The following LRRC4C variants were observed in gnomAD, a reference collection of about 807,000 sequenced individuals.
The protein encoded by LRRC4C is leucine-rich repeat-containing protein 4C.
LRRC4C carries 5 observed loss-of-function variants against 33.6 expected under a neutral mutation model. The ratio of observed to expected loss-of-function variants is 0.15; its 90% CI spans 0.08 to 0.31. The LOEUF is 0.31. LRRC4C is among the 10% of genes least tolerant of loss of function. LRRC4C has a pLI of 1.00. For missense variants in LRRC4C, 560 were observed against 796.7 expected (o/e 0.70, Z 3.58); for synonymous variants, 329 against 302.0 (o/e 1.09, Z -0.93).
rs1051478368 is a variant in LRRC4C at position 40,976,357 on chromosome 11, G to A, written c.-495-42634C>T. On this transcript the variant is annotated intron_variant, in intron 1 of 6. Transcript: ENST00000528697. ...CTCAGAAAATATCTCCTGGGTTCTT[G>A]TGTATTCATAAGCAAGGGTTCTGAA... 3.9e-5 allele frequency among the ~76,000 whole-genome samples: 6 copies of A among 152,104 alleles called. No individual in the cohort carries two copies. In the East Asian group the frequency reaches 1.2e-3, roughly 29 times the overall value.
intron 1 of LRRC4C, among the ~76,000 whole-genome samples, chr11:41,273,956 G>GTT (rs1270971862): frequency 6.6e-6 from 1 of 152,136 alleles, no homozygotes; most frequent in Non-Finnish European, 1.5e-5. Flanking sequence ...ACGGAGTGAT[G>GTT]TTAAGGTGAC....
intron 6 of LRRC4C, among the ~76,000 whole-genome samples, chr11:40,121,628 G>C (rs144632019): frequency 3.8e-3 from 576 of 152,276 alleles, no homozygotes; most frequent in Non-Finnish European, 6.1e-3. Flanking sequence ...TGTCCCAGAG[G>C]ATATCTTGAC....
chr11:41,188,512 T>C (rs908936691), intron 1 of LRRC4C, among the ~76,000 whole-genome samples: 5 of 151,926 alleles, frequency 3.3e-5, no homozygotes, highest in African/African-American at 9.7e-5. Context: ...GCAGAAGTAA[T>C]AGATCTATGT....
chr11:40,634,199 A>G (rs1171816818), intron 3 of LRRC4C, among the ~76,000 whole-genome samples: 4 of 152,346 alleles, frequency 2.6e-5, no homozygotes, highest in East Asian at 3.9e-4. Context: ...AGTATAAACT[A>G]AGTGGTTCTT....
chr11:40,343,199 C>G (rs1015787453), intron 3 of LRRC4C, among the ~76,000 whole-genome samples: 2 of 151,998 alleles, frequency 1.3e-5, no homozygotes, highest in Non-Finnish European at 2.9e-5. Context: ...GACATGTTTG[C>G]TAAGAATGCA....
In LRRC4C at chr11:40,535,394, C is replaced by T. The variant is rs781016644; in HGVS notation, c.-270+112748G>A. Among the ~76,000 whole-genome samples, 28 of 152,204 alleles carry T rather than the reference C, an allele frequency of 1.8e-4. 1 individual carries two copies. The highest frequency in any genetic ancestry group is 1.3e-4 in the Admixed American group (2 of 15,280). On this transcript the variant is annotated intron_variant, in intron 3 of 6. Coordinates refer to ENST00000528697, the MANE Select transcript of LRRC4C (RefSeq NM_001258419.2). ...CAGCTCTAGTGACTACCTTGATTCA[C>T]TGGTTGAAATCACCCTTTAGGGTGT... is the stretch of plus-strand genomic sequence containing the variant.
rs150559971 is a variant in LRRC4C, at chr11:41,152,176, G to A, written c.-495-218453C>T. Among the ~76,000 whole-genome samples, 70 of 152,248 alleles carry A rather than the reference G, an allele frequency of 4.6e-4. 1 individual carries two copies. The highest frequency in any genetic ancestry group is 8.5e-4 in the Non-Finnish European group (58 of 68,030). On this transcript the variant is annotated intron_variant, in intron 1 of 6. Coordinates refer to ENST00000528697, the MANE Select transcript of LRRC4C (RefSeq NM_001258419.2). ...GCTGATGTTACTAGCTCCCAGGGAC[G>A]GCACCAGCCTTTATGGATTCCTTGT...
Position 41,112,288 on chromosome 11 carries a change from A to C in LRRC4C, c.-495-178565T>G, listed in dbSNP as rs1000760581. The stretch of plus-strand genomic sequence containing the variant: ...AGTAAAACCTTTCTGGCCAGTTTCT[A>C]ATCTCAGCATCTCCTGGAGAGCAGA... On this transcript the variant is annotated intron_variant, in intron 1 of 6. Coordinates refer to ENST00000528697, the MANE Select transcript of LRRC4C (RefSeq NM_001258419.2). Among the ~76,000 whole-genome samples the C allele has an allele frequency of 3.9e-5, 6 of 152,038 alleles. 1 individual carries two copies. Among genetic ancestry groups the C allele is most frequent in the Admixed American group, 3.9e-4 (6 of 15,240 alleles).
rs1325786512 is a variant in LRRC4C, at chr11:40,702,159, T to A, written c.-406-53881A>T. On this transcript the variant is annotated intron_variant, in intron 2 of 6. Transcript: ENST00000528697. Reference sequence around the variant, plus strand: ...ATTTGGGAGTTTTGAAAGCTGTTGATGGTCACACAAGTATATATATATAAT... The same window carrying A: ...ATTTGGGAGTTTTGAAAGCTGTTGAAGGTCACACAAGTATATATATATAAT... 2.0e-5 allele frequency among the ~76,000 whole-genome samples: 3 copies of A among 152,108 alleles called. 1 individual carries two copies. Among genetic ancestry groups the A allele is most frequent in the Non-Finnish European group, 4.4e-5 (3 of 68,002 alleles).
At chr11:40,223,827 G>A (rs549489001) in intron 5 of LRRC4C, among the ~76,000 whole-genome samples, 1 of 152,190 alleles carries the variant, frequency 6.6e-6, no homozygotes, top group South Asian at 2.1e-4. Context: ...GTATACTTTT[G>A]CAGAACTAAT....
At chr11:41,057,324 G>C (rs1330872510) in intron 1 of LRRC4C, among the ~76,000 whole-genome samples, 1 of 152,168 alleles carries the variant, frequency 6.6e-6, no homozygotes, top group Admixed American at 6.5e-5. Context: ...TCCAAACTTT[G>C]GGCACTGATA....
intron 6 of LRRC4C, among the ~76,000 whole-genome samples, chr11:40,129,379 G>A (rs1228714796): frequency 6.6e-6 from 1 of 152,136 alleles, no homozygotes; most frequent in African/African-American, 2.4e-5. Context: ...GATGGGGTAG[G>A]TGATAAAGTC....
rs145915326 is a variant in LRRC4C, at chr11:40,677,529, C to G, written c.-406-29251G>C. ...AAGAACCTCCCATCACCTAGATTTT[C>G]TTGATTATGTATAGATACAGTAACT... On this transcript the variant is annotated intron_variant, in intron 2 of 6. Coordinates refer to ENST00000528697, the MANE Select transcript of LRRC4C (RefSeq NM_001258419.2). 1.5e-4 allele frequency among the ~76,000 whole-genome samples: 23 copies of G among 152,248 alleles called. No homozygotes were observed. The East Asian group carries it at 2.7e-3, about 18-fold the overall frequency.
chr11:40,481,241 T>C lies in LRRC4C; in HGVS notation c.-269-161520A>G, dbSNP rs1590871467. ...CAGGACAGAAGAGTAAACTCTTCTG[T>C]ACACTATCATTTATCAGAGCTAATT... is the stretch of plus-strand genomic sequence containing the variant. On this transcript the variant is annotated intron_variant, in intron 3 of 6. Coordinates refer to ENST00000528697, the MANE Select transcript of LRRC4C (RefSeq NM_001258419.2). Among the ~76,000 whole-genome samples the C allele has an allele frequency of 6.6e-5, 10 of 152,208 alleles. 2 individuals are homozygous for C. The highest frequency in any genetic ancestry group is 1.5e-5 in the Non-Finnish European group (1 of 67,972).
chr11:40,937,351 C>A (rs932825857), intron 1 of LRRC4C, among the ~76,000 whole-genome samples: 1 of 152,092 alleles, frequency 6.6e-6, no homozygotes, highest in Non-Finnish European at 1.5e-5. Flanking sequence ...GGTTGAAAAA[C>A]TACCTATCAG....
intron 1 of LRRC4C, among the ~76,000 whole-genome samples, chr11:41,229,105 G>A (rs1014962348): frequency 6.6e-6 from 1 of 151,956 alleles, no homozygotes; most frequent in Non-Finnish European, 1.5e-5. Flanking sequence ...CACCTTCATG[G>A]GGGTCATTAT....
intron 1 of LRRC4C, among the ~76,000 whole-genome samples, chr11:41,310,765 T>A (rs1950622599): frequency 6.6e-6 from 1 of 152,160 alleles, no homozygotes; most frequent in Admixed American, 6.5e-5. Context: ...AAACCAACAT[T>A]GTGTTTATGC....
chr11:41,426,268 A>T (rs1478811914), intron 1 of LRRC4C: 1 of 152,164 alleles, frequency 6.6e-6, no homozygotes, highest in Non-Finnish European at 1.5e-5. Flanking sequence ...CATAAACTAT[A>T]GCTTTTGATG....
chr11:40,721,865 C>G (rs1319295286), intron 2 of LRRC4C, among the ~76,000 whole-genome samples: 1 of 152,150 alleles, frequency 6.6e-6, no homozygotes, highest in Admixed American at 6.5e-5. Flanking sequence ...GGCGTGAACC[C>G]AGGAGGCAGA....
Sources: gnomAD v4.1 joint callset for allele counts (sites outside exome capture counted in the v4.1 genomes callset) on GRCh38, gnomAD v4.1.1 for gene constraint, MANE v1.5 for transcripts, NCBI Gene and HGNC (gene_info 2026-07-23, HGNC 2026-07-21) for gene names.